Variants in CIMIP6 observed in about 807,000 individuals in gnomAD.
CIMIP6 encodes ciliary microtubule inner protein 6.
At chr2:54,356,896 T>A in the CIMIP6 span, among the ~76,000 whole-genome samples, 1 of 152,296 alleles carries the variant, frequency 6.6e-6, no homozygotes, top group South Asian at 2.1e-4. Context: ...GCCGCTTCAT[T>A]CTGTCTATAC....
the CIMIP6 span, among the ~76,000 whole-genome samples, chr2:54,341,918 G>A: frequency 6.6e-6 from 1 of 152,164 alleles, no homozygotes; most frequent in African/African-American, 2.4e-5. Context: ...CAGATAGTGA[G>A]AAGACACCAT....
At chr2:54,360,522 G>T in the CIMIP6 span, 47 of 1,534,254 alleles carry the variant, frequency 3.1e-5, no homozygotes, top group Non-Finnish European at 3.7e-5. Context: ...CTTTTCACTA[G>T]GCACAAGCCT....
At chr2:54,364,066 T>C in the CIMIP6 span, among the ~76,000 whole-genome samples, 14 of 152,368 alleles carry the variant, frequency 9.2e-5, no homozygotes, top group Admixed American at 2.6e-4. Flanking sequence ...TGAAAGTCAT[T>C]GAACTTTCAG....
the CIMIP6 span, among the ~76,000 whole-genome samples, chr2:54,346,026 C>T: frequency 6.6e-6 from 1 of 152,058 alleles, no homozygotes; most frequent in Non-Finnish European, 1.5e-5. Context: ...GGCACGGATA[C>T]TAAACCATTT....
chr2:54,362,386 G>A, the CIMIP6 span, among the ~76,000 whole-genome samples: 1 of 152,274 alleles, frequency 6.6e-6, no homozygotes, highest in East Asian at 1.9e-4. Context: ...CTTTCAATTT[G>A]AAGATCCTTG....
chr2:54,358,428 A>T, the CIMIP6 span, among the ~76,000 whole-genome samples: 1 of 152,132 alleles, frequency 6.6e-6, no homozygotes, highest in Non-Finnish European at 1.5e-5. Flanking sequence ...TAATGAGACA[A>T]GATCTCTCTT....
At chr2:54,333,767 C>T in the CIMIP6 span, among the ~76,000 whole-genome samples, 1 of 151,988 alleles carries the variant, frequency 6.6e-6, no homozygotes, top group Admixed American at 6.6e-5. Flanking sequence ...GTGGTGCGCG[C>T]CTGTAACCCC....
chr2:54,369,014 C>T, the CIMIP6 span, among the ~76,000 whole-genome samples: 957 of 152,234 alleles, frequency 6.3e-3, 6 homozygotes, highest in African/African-American at 0.02. Flanking sequence ...AATTATCAAA[C>T]ATGAGGGTGG....
the CIMIP6 span, among the ~76,000 whole-genome samples, chr2:54,368,623 T>C: frequency 6.6e-6 from 1 of 152,222 alleles, no homozygotes; most frequent in Non-Finnish European, 1.5e-5. Flanking sequence ...CAGTGTGATT[T>C]ATGGTGAGGG....
the CIMIP6 span, among the ~76,000 whole-genome samples, chr2:54,347,585 A>G: frequency 6.6e-6 from 1 of 152,192 alleles, no homozygotes. Context: ...GTGAAAGATG[A>G]CACTGGAGCG....
the CIMIP6 span, among the ~76,000 whole-genome samples, chr2:54,356,617 T>G: frequency 6.6e-6 from 1 of 152,328 alleles, no homozygotes; most frequent in African/African-American, 2.4e-5. Flanking sequence ...GCTGGCCCTT[T>G]GCTAACTTTG....
At chr2:54,353,653 A>G in the CIMIP6 span, among the ~76,000 whole-genome samples, 13 of 152,254 alleles carry the variant, frequency 8.5e-5, no homozygotes, top group East Asian at 2.5e-3. Flanking sequence ...GCCTTTCGTT[A>G]ATCTCCAGAG....
chr2:54,351,093 T>C, the CIMIP6 span, among the ~76,000 whole-genome samples: 4 of 152,150 alleles, frequency 2.6e-5, no homozygotes, highest in Non-Finnish European at 4.4e-5. Flanking sequence ...TTAAATACTG[T>C]ATAAAATAAG....
At chr2:54,334,863 G>C in the CIMIP6 span, 1 of 1,553,410 alleles carries the variant, frequency 6.4e-7, no homozygotes, top group Non-Finnish European at 8.7e-7. Context: ...AAGTGAAAAT[G>C]AAGAAATTAA....
chr2:54,365,364 G>A, the CIMIP6 span, among the ~76,000 whole-genome samples: 22 of 152,024 alleles, frequency 1.4e-4, 1 homozygote, highest in Admixed American at 1.3e-3. Flanking sequence ...CTGCACACAC[G>A]AGACAATGTG....
the CIMIP6 span, among the ~76,000 whole-genome samples, chr2:54,381,536 T>C: frequency 2.0e-5 from 3 of 152,354 alleles, no homozygotes; most frequent in East Asian, 5.8e-4. Context: ...TGAAATAAAC[T>C]GTCCAAAGGT....
chr2:54,331,128 C>T, the CIMIP6 span: 32 of 870,582 alleles, frequency 3.7e-5, no homozygotes, highest in South Asian at 1.8e-4. Flanking sequence ...CTCTAATTTC[C>T]AGTTGGCTGA....
chr2:54,342,343 A>G, the CIMIP6 span, among the ~76,000 whole-genome samples: 1 of 152,212 alleles, frequency 6.6e-6, no homozygotes, highest in Non-Finnish European at 1.5e-5. Context: ...AACACAAAAG[A>G]TAACCTTTTT....
At chr2:54,380,733 G>T in the CIMIP6 span, among the ~76,000 whole-genome samples, 1 of 152,154 alleles carries the variant, frequency 6.6e-6, no homozygotes. Flanking sequence ...CACAATGTGT[G>T]CACGCACACA....
Sources: allele counts gnomAD v4.1 joint callset (sites outside exome capture counted in the v4.1 genomes callset), GRCh38; gene constraint gnomAD v4.1.1; transcripts MANE v1.5; gene names NCBI Gene and HGNC (gene_info 2026-07-23, HGNC 2026-07-21).